CELSR1: variants seen among roughly 807,000 people sequenced by gnomAD.
CELSR1 encodes the protein adhesion G protein-coupled receptor C1.
In CELSR1, 110 loss-of-function variants were observed where a neutral mutation model predicts 249.1. The observed-to-expected ratio is 0.44, with a 90% confidence interval of 0.38 to 0.52. CELSR1 has a LOEUF of 0.52. Ranked by LOEUF, CELSR1 falls within the 20% of genes least tolerant of loss-of-function variation. The pLI is 0.00. For missense variants in CELSR1, 4,109 were observed against 4,296.4 expected, an observed-to-expected ratio of 0.96 and a Z score of 1.22; for synonymous variants, 2,113 against 1,900.0, an observed-to-expected ratio of 1.11 and a Z score of -2.92.
intron 5 of CELSR1, among the ~76,000 whole-genome samples, chr22:46,416,916 T>C (rs1305379741): frequency 8.8e-6 from 1 of 113,674 alleles, no homozygotes. Context: ...CGATTCTGCA[T>C]TGGGAGGCCG....
chr22:46,397,882 G>C, intron 11 of CELSR1, 34 bp from the exon 12 acceptor site: 1 of 1,483,120 alleles, frequency 6.7e-7, no homozygotes. Context: ...GGCTACAGGA[G>C]CCCGGAAAGG....
rs781432514 is a variant in CELSR1, at chr22:46,534,603, G to A, written c.2568C>T (p.Val856=). 58 of 1,613,868 alleles carry A rather than the reference G, an allele frequency of 3.6e-5. No homozygotes were observed. The highest frequency in any genetic ancestry group is 1.6e-4 in the Middle Eastern group (1 of 6,062). The change falls in exon 1 of 35, where the codon GTC becomes GTT. Residue 856 remains valine, a synonymous_variant. Coordinates refer to ENST00000674500, the MANE Select transcript of CELSR1 (RefSeq NM_001378328.1). The surrounding 1 kb of genome is among the most constrained non-coding windows in gnomAD (Gnocchi z 9.7). ...GGGCCATGATGGTCAGCGTGTAGGCGACCTGGTTCTCATAGTCCAGCTCCA... is the reference window on the plus strand; with the variant it reads ...GGGCCATGATGGTCAGCGTGTAGGCAACCTGGTTCTCATAGTCCAGCTCCA... ...TMMELDYENQ[V]AYTLTIMAQD...
At position 46,389,427 on chromosome 22, in the gene CELSR1, T is replaced by C. The variant is rs753871584; in HGVS notation, c.6418A>G (p.Ser2140Gly). Residue 2140 changes from serine to glycine, a missense_variant, in exon 18 of 35, where the codon AGT becomes GGT. By Grantham distance (56) the Ser-to-Gly change is moderately conservative. This residue lies in a region of CELSR1 where 1,805 missense variants were observed against 1,831.6 expected (regional missense o/e 0.99). Coordinates refer to ENST00000674500, the MANE Select transcript of CELSR1 (RefSeq NM_001378328.1). The part of the protein sequence containing the change: ...RALQLVRALR[S>G]ATQHTGTLFG... Reference sequence around the variant, plus strand: ...AGCGTGCCCGTGTGCTGTGTAGCACTGCGCAGCGCCCTCACCAGCTGCAGG... The same window carrying C: ...AGCGTGCCCGTGTGCTGTGTAGCACCGCGCAGCGCCCTCACCAGCTGCAGG... 1 of 1,612,830 alleles carries C rather than the reference T, an allele frequency of 6.2e-7. No individual in the cohort carries two copies. Among genetic ancestry groups the C allele is most frequent in the Non-Finnish European group, 8.5e-7 (1 of 1,179,988 alleles).
At chr22:46,485,883 G>A (rs540205398) in intron 1 of CELSR1, among the ~76,000 whole-genome samples, 99 of 151,008 alleles carry the variant, frequency 6.6e-4, no homozygotes, top group Non-Finnish European at 4.7e-4. Context: ...GATATGTGTC[G>A]TGGCCCAAAC....
chr22:46,373,664 A>T (rs1283043691), intron 24 of CELSR1, among the ~76,000 whole-genome samples: 2 of 83,846 alleles, frequency 2.4e-5, no homozygotes, highest in East Asian at 7.8e-4. Context: ...GAGATGGGGG[A>T]GAAGGGGGAG....
At chr22:46,404,466 G>A (rs8140573) in intron 9 of CELSR1, among the ~76,000 whole-genome samples, 2 of 151,974 alleles carry the variant, frequency 1.3e-5, no homozygotes, top group African/African-American at 4.8e-5. Context: ...TGCTAACCTA[G>A]AAATCTACTT....
In CELSR1 at chr22:46,441,019, G is replaced by A. The variant is rs560574055; in HGVS notation, c.4184-1608C>T. 1.4e-3 allele frequency among the ~76,000 whole-genome samples: 218 copies of A among 152,216 alleles called. 1 individual carries two copies. The highest frequency in any genetic ancestry group is 2.1e-3 in the Non-Finnish European group (146 of 68,008). On this transcript the variant is annotated intron_variant, in intron 2 of 34. Transcript: ENST00000674500. The surrounding 1 kb of genome is among the most constrained non-coding windows in gnomAD (Gnocchi z 6.1). Reference sequence around the variant, plus strand: ...AATACAAAAATTAGCCAGGCGTGGTGGCGGGTGCCTGTAATCCCATCTACT... The same window carrying A: ...AATACAAAAATTAGCCAGGCGTGGTAGCGGGTGCCTGTAATCCCATCTACT...
In CELSR1 at chr22:46,381,003, T is replaced by G. The variant is rs749500571; in HGVS notation, c.7089-48A>C. The G allele has an allele frequency of 1.8e-5, 28 of 1,583,316 alleles. 1 individual carries two copies. The South Asian group carries it at 3.1e-4, about 18-fold the overall frequency. Reference sequence around the variant, plus strand: ...TGGGGACAAACACGGTGAGGAAACATCTGCTTAAATCCCGCGCACAAATGC... The same window carrying G: ...TGGGGACAAACACGGTGAGGAAACAGCTGCTTAAATCCCGCGCACAAATGC... On this transcript the variant is annotated intron_variant, in intron 21 of 34. Transcript: ENST00000674500. This position sits in a 1 kb window ranked among gnomAD's most constrained non-coding sequence, Gnocchi z 6.0.
chr22:46,403,604 T>G (rs2079231214), intron 9 of CELSR1, among the ~76,000 whole-genome samples: 2 of 151,608 alleles, frequency 1.3e-5, no homozygotes, highest in Non-Finnish European at 2.9e-5. Flanking sequence ...ATACCACGAT[T>G]AACAAATTTA....
chr22:46,533,189 G>T (rs1011548151), intron 1 of CELSR1, among the ~76,000 whole-genome samples: 1 of 152,136 alleles, frequency 6.6e-6, no homozygotes, highest in Non-Finnish European at 1.5e-5. Flanking sequence ...CAATTCCAAC[G>T]GTCCCACCCT....
Position 46,397,771 on chromosome 22 carries a change from G to A in CELSR1, c.5604C>T (p.Asp1868=), listed in dbSNP as rs748334649. 147 of 1,603,422 alleles carry A rather than the reference G, an allele frequency of 9.2e-5. No individual in the cohort carries two copies. Among genetic ancestry groups the A allele is most frequent in the African/African-American group, 1.3e-4 (10 of 74,574 alleles). ...MNNALKVRVK[D]GCDVDDPCTS... is the part of the protein sequence containing the mutation. The stretch of plus-strand genomic sequence containing the variant: ...TACAGGGGTCGTCCACATCACAGCC[G>A]TCCTTCACCCTGACCTTGAGTGCGT... The change falls in exon 12 of 35, where the codon GAC becomes GAT. Residue 1868 remains aspartate, a synonymous_variant. Coordinates refer to ENST00000674500, the MANE Select transcript of CELSR1 (RefSeq NM_001378328.1).
In CELSR1 at chr22:46,367,807, G is replaced by C; in HGVS notation, c.8001C>G (p.Thr2667=). 5 of 1,611,946 alleles carry C rather than the reference G, an allele frequency of 3.1e-6. No homozygotes were observed. The highest frequency in any genetic ancestry group is 3.4e-6 in the Non-Finnish European group (4 of 1,179,754). ...AFLLLLLISA[T]WLLGLLAVNR... ...TCACAGCCAGCAGCCCCAGCAGCCA[G>C]GTGGCGCTGATGAGCAGCAGCAGGA... The change falls in exon 28 of 35, where the codon ACC becomes ACG. Residue 2667 remains threonine, a synonymous_variant. Coordinates refer to ENST00000674500, the MANE Select transcript of CELSR1 (RefSeq NM_001378328.1).
chr22:46,523,702 G>A (rs917341500), intron 1 of CELSR1, among the ~76,000 whole-genome samples: 9 of 152,080 alleles, frequency 5.9e-5, no homozygotes, highest in African/African-American at 1.7e-4. Flanking sequence ...CAACAGGTGC[G>A]TCAGCCCCTG....
intron 25 of CELSR1, chr22:46,370,375 G>T: frequency 6.1e-6 from 2 of 326,456 alleles, no homozygotes; most frequent in South Asian, 4.7e-5. Context: ...ACGCATCACA[G>T]ATATACACAC....
intron 24 of CELSR1, among the ~76,000 whole-genome samples, chr22:46,375,539 CTTT>C (rs971800051): frequency 8.0e-4 from 96 of 120,588 alleles, no homozygotes; most frequent in African/African-American, 2.8e-3. Flanking sequence ...CTGCCAGGCT[CTTT>C]TTTTTTTTTT....
In CELSR1 at chr22:46,385,399, G is replaced by A. The variant is rs187514268; in HGVS notation, c.6740-713C>T. On this transcript the variant is annotated intron_variant, in intron 19 of 34. Coordinates refer to ENST00000674500, the MANE Select transcript of CELSR1 (RefSeq NM_001378328.1). ...TGTGAACTACCACGCCCAGCTGACT[G>A]ACCATCTTTAGAACAGAACTGACTT... 2.0e-3 allele frequency among the ~76,000 whole-genome samples: 297 copies of A among 152,246 alleles called. 2 individuals are homozygous for A. Among genetic ancestry groups the A allele is most frequent in the Non-Finnish European group, 3.8e-4 (26 of 68,022 alleles).
chr22:46,515,302 C>A (rs958114844), intron 1 of CELSR1, among the ~76,000 whole-genome samples: 1 of 152,234 alleles, frequency 6.6e-6, no homozygotes, highest in African/African-American at 2.4e-5. Context: ...CTGTCGGCAG[C>A]ACAGCTGGAA....
chr22:46,397,656 C>T lies in CELSR1; in HGVS notation c.5701+18G>A. The T allele has an allele frequency of 6.9e-7, 1 of 1,459,674 alleles. No homozygotes were observed. Among genetic ancestry groups the T allele is most frequent in the Non-Finnish European group, 9.1e-7 (1 of 1,094,040 alleles). The allele number at this position is 1,459,674 out of a possible 1,614,324, so 90.4% of individuals were successfully genotyped here. Reference sequence around the variant, plus strand: ...GAGACCTCCCTGTCACTGAAGGGCCCCGGGAGGGCGGTCCCACCTTTGTCA... The same window carrying T: ...GAGACCTCCCTGTCACTGAAGGGCCTCGGGAGGGCGGTCCCACCTTTGTCA... On this transcript the variant is annotated intron_variant, in intron 12 of 34. Coordinates refer to ENST00000674500, the MANE Select transcript of CELSR1 (RefSeq NM_001378328.1).
intron 19 of CELSR1, among the ~76,000 whole-genome samples, 197 bp downstream of exon 19, chr22:46,386,205 T>G (rs2079031880): frequency 6.6e-6 from 1 of 152,146 alleles, no homozygotes; most frequent in South Asian, 2.1e-4. Flanking sequence ...CCTGACCTCA[T>G]GTGGTCTGCC....
Sources: allele counts gnomAD v4.1 joint callset (sites outside exome capture counted in the v4.1 genomes callset), GRCh38; gene constraint gnomAD v4.1.1; regional missense constraint gnomAD v4.1.1; non-coding constraint Gnocchi (gnomAD v3.1); transcripts MANE v1.5; gene names NCBI Gene and HGNC (gene_info 2026-07-23, HGNC 2026-07-21).